The following ERN1 variants were observed in gnomAD, a reference collection of about 807,000 sequenced individuals.
ERN1 encodes serine/threonine-protein kinase/endoribonuclease IRE1.
Under a neutral mutation model 113.1 loss-of-function variants are expected in ERN1, and 39 were observed. The ratio of observed to expected loss-of-function variants is 0.34; its 90% confidence interval spans 0.27 to 0.45. ERN1 has a LOEUF of 0.45. ERN1 is among the 20% of genes least tolerant of loss of function. ERN1 has a pLI of 1.00. For missense variants in ERN1, 976 were observed against 1,274.8 expected, an observed-to-expected ratio of 0.77 and a Z score of 3.57; for synonymous variants, 507 against 515.9, an observed-to-expected ratio of 0.98 and a Z score of 0.23.
At chr17:64,058,162 T>C (rs576944765) in intron 11 of ERN1, among the ~76,000 whole-genome samples, 169 bp from the exon 12 acceptor site, 1 of 152,366 alleles carries the variant, frequency 6.6e-6, no homozygotes, top group African/African-American at 2.4e-5. Flanking sequence ...TGTTGCCTCT[T>C]TCAAAGCAAT....
rs753285240 is a variant in ERN1, at chr17:64,054,714, CA to C, written c.1763+23del. On this transcript the variant is annotated intron_variant, in intron 14 of 21. Transcript: ENST00000433197. This position sits in a 1 kb window ranked among gnomAD's most constrained non-coding sequence, Gnocchi z 4.9. ...GCACTTAGACACCAGGCGGTGAGGG[CA>C]GGGGGCTGGCTAATCCACTCACCGG... The C allele has an allele frequency of 2.7e-5, 42 of 1,566,022 alleles. No homozygotes were observed. The highest frequency in any genetic ancestry group is 3.5e-5 in the Non-Finnish European group (40 of 1,147,158).
chr17:64,068,173 C>T lies in ERN1; in HGVS notation c.580+17G>A. ...AGTACTGGCCCAAGCTTGTGAAATCCAGCAGAGAGCACTTACTGTAGTCCA... is the reference window on the plus strand; with the variant it reads ...AGTACTGGCCCAAGCTTGTGAAATCTAGCAGAGAGCACTTACTGTAGTCCA... On this transcript the variant is annotated intron_variant, in intron 7 of 21. Coordinates refer to ENST00000433197, the MANE Select transcript of ERN1 (RefSeq NM_001433.5). 1 of 1,579,782 alleles carries T rather than the reference C, an allele frequency of 6.3e-7. No homozygotes were observed. The highest frequency in any genetic ancestry group is 1.1e-5 in the South Asian group (1 of 87,918).
intron 19 of ERN1, among the ~76,000 whole-genome samples, chr17:64,046,198 C>T (rs1427742330): frequency 6.6e-6 from 1 of 152,192 alleles, no homozygotes; most frequent in Non-Finnish European, 1.5e-5. Flanking sequence ...GCAGCCTTTT[C>T]TATGATGAAG....
chr17:64,123,143 G>A (rs996181946), intron 1 of ERN1, among the ~76,000 whole-genome samples: 16 of 151,974 alleles, frequency 1.1e-4, no homozygotes, highest in Non-Finnish European at 8.8e-5. Context: ...CCTCCAAAAG[G>A]GACAATCAAT....
chr17:64,098,010 T>C (rs1317494060), intron 2 of ERN1, 111 bp downstream of exon 2: 5 of 1,362,122 alleles, frequency 3.7e-6, no homozygotes, highest in Non-Finnish European at 3.0e-6. Flanking sequence ...CTTCTTTATT[T>C]CTTATTTATT....
At chr17:64,066,595 A>C in intron 8 of ERN1, 76 bp downstream of exon 8, 1 of 1,557,774 alleles carries the variant, frequency 6.4e-7, no homozygotes, top group Non-Finnish European at 8.7e-7. Flanking sequence ...CCTCCCGTGC[A>C]GGGCCTGCTA....
chr17:64,090,849 G>T (rs559911266), intron 2 of ERN1, among the ~76,000 whole-genome samples: 2 of 152,094 alleles, frequency 1.3e-5, no homozygotes, highest in Non-Finnish European at 2.9e-5. Flanking sequence ...AGTACATGGG[G>T]GTTCTTTACA....
At position 64,064,071 on chromosome 17, in the gene ERN1, G is replaced by C; in HGVS notation, c.1002C>G (p.Ile334Met). The C allele has an allele frequency of 6.2e-7, 1 of 1,613,696 alleles. No homozygotes were observed. Among genetic ancestry groups the C allele is most frequent in the East Asian group, 2.2e-5 (1 of 44,890 alleles). ...VTIGDKGECV[I>M]TPSTDVKFDP... ...CAAACTTGACGTCCGTGCTGGGCGT[G>C]ATCACACACTCCCCCTTGTCCCCAA... is the stretch of plus-strand genomic sequence containing the variant. The change falls in exon 10 of 22, where the codon ATC becomes ATG. Residue 334 changes from isoleucine to methionine, a missense_variant. Transcript: ENST00000433197.
At chr17:64,067,126 T>C (rs1913254554) in intron 7 of ERN1, 194 bp from the exon 8 acceptor site, 1 of 624,744 alleles carries the variant, frequency 1.6e-6, no homozygotes, top group Non-Finnish European at 2.8e-6. Context: ...CACTGAGAGC[T>C]GGCTGGCGTA....
chr17:64,066,722 G>A lies in ERN1; in HGVS notation c.791C>T (p.Thr264Ile), dbSNP rs956863832. ...CTTGGGGAACGGGTACTTCCACTTT[G>A]TGATGCGCCCCACCTCCCCAGACAT... is the stretch of plus-strand genomic sequence containing the variant. ...TFMSGEVGRI[T>I]KWKYPFPKET... The change falls in exon 8 of 22, where the codon ACA (threonine) becomes ATA (isoleucine). Residue 264 changes from threonine to isoleucine, a missense_variant. By Grantham distance (89) the Thr-to-Ile change is moderately conservative. This residue lies in a region of ERN1 where 459 missense variants were observed against 581.2 expected (regional missense o/e 0.79). Coordinates refer to ENST00000433197, the MANE Select transcript of ERN1 (RefSeq NM_001433.5). 3 of 1,613,918 alleles carry A rather than the reference G, an allele frequency of 1.9e-6. No individual in the cohort carries two copies. Among genetic ancestry groups the A allele is most frequent in the African/African-American group, 2.7e-5 (2 of 75,008 alleles).
At chr17:64,066,621 A>G in intron 8 of ERN1, 50 bp downstream of exon 8, 1 of 1,602,320 alleles carries the variant, frequency 6.2e-7, no homozygotes. Context: ...CAACAGCACC[A>G]GAACACGAAG....
chr17:64,051,639 T>G (rs182335160), intron 17 of ERN1, among the ~76,000 whole-genome samples: 1 of 152,372 alleles, frequency 6.6e-6, no homozygotes, highest in Admixed American at 6.5e-5. Context: ...CTGCCTGGAC[T>G]CTTCAAAATG....
At chr17:64,053,938 C>A in intron 15 of ERN1, 1 of 270,418 alleles carries the variant, frequency 3.7e-6, no homozygotes, top group South Asian at 5.5e-5. Flanking sequence ...TAGTACAATT[C>A]ACTGTAACTT....
At chr17:64,106,037 T>C (rs1189596697) in intron 1 of ERN1, among the ~76,000 whole-genome samples, 2 of 151,808 alleles carry the variant, frequency 1.3e-5, no homozygotes, top group African/African-American at 4.8e-5. Flanking sequence ...CAATAGAATA[T>C]CATACAATAC....
At position 64,114,070 on chromosome 17, in the gene ERN1, T is replaced by TA. The variant is rs10718636; in HGVS notation, c.55-15830dup. ...AAGACTGTAATAAGAAGGTAAATGC[T>TA]AAAAAAAAAAAAAAAAAAGCTTTTG... is the stretch of plus-strand genomic sequence containing the variant. On this transcript the variant is annotated intron_variant, in intron 1 of 21. Transcript: ENST00000433197. 4.2e-3 allele frequency among the ~76,000 whole-genome samples: 467 copies of TA among 112,380 alleles called. 1 individual carries two copies. Among genetic ancestry groups the TA allele is most frequent in the South Asian group, 7.8e-3 (26 of 3,350 alleles). The allele number at this position is 112,380 out of a possible 152,430, so 73.7% of individuals were successfully genotyped here.
In ERN1 at chr17:64,054,505, A is replaced by G; in HGVS notation, c.1764-66T>C. The G allele has an allele frequency of 7.0e-7, 1 of 1,430,992 alleles. No individual in the cohort carries two copies. Among genetic ancestry groups the G allele is most frequent in the South Asian group, 1.3e-5 (1 of 75,628 alleles). The allele number at this position is 1,430,992 out of a possible 1,614,324, so 88.6% of individuals were successfully genotyped here. A position where few individuals can be genotyped will look rare whatever the true frequency, so the allele number is the denominator to read the frequency against. The stretch of plus-strand genomic sequence containing the variant: ...GTCAGGCTGTGTAAATGAGGTGAGA[A>G]CCTGGGTCCACAGCATTCACCTACT... On this transcript the variant is annotated intron_variant, in intron 14 of 21. Coordinates refer to ENST00000433197, the MANE Select transcript of ERN1 (RefSeq NM_001433.5). The surrounding 1 kb of genome is among the most constrained non-coding windows in gnomAD (Gnocchi z 4.9).
chr17:64,046,680 C>T (rs1169958586), intron 19 of ERN1, among the ~76,000 whole-genome samples: 2 of 152,184 alleles, frequency 1.3e-5, no homozygotes, highest in East Asian at 1.9e-4. Flanking sequence ...CTCCTGTCCT[C>T]GAGGAGCTTA....
At chr17:64,120,780 T>C (rs1914935169) in intron 1 of ERN1, among the ~76,000 whole-genome samples, 1 of 152,196 alleles carries the variant, frequency 6.6e-6, no homozygotes, top group South Asian at 2.1e-4. Flanking sequence ...GCTCCTCTAG[T>C]TCTGTAGAAA....
At chr17:64,126,664 G>A (rs1915088598) in intron 1 of ERN1, among the ~76,000 whole-genome samples, 1 of 143,780 alleles carries the variant, frequency 7.0e-6, no homozygotes, top group Non-Finnish European at 1.5e-5. Flanking sequence ...TTCATGATCA[G>A]CAGCCCTGAT....
Sources: allele counts gnomAD v4.1 joint callset (sites outside exome capture counted in the v4.1 genomes callset), GRCh38; gene constraint gnomAD v4.1.1; regional missense constraint gnomAD v4.1.1; non-coding constraint Gnocchi (gnomAD v3.1); transcripts MANE v1.5; gene names NCBI Gene and HGNC (gene_info 2026-07-23, HGNC 2026-07-21).